KMT2E: variants seen among roughly 807,000 people sequenced by gnomAD.
KMT2E encodes the protein lysine methyltransferase 2E (inactive).
A neutral mutation model predicts 184.6 loss-of-function variants in KMT2E; 30 were observed. The observed-to-expected ratio is 0.16, with a 90% confidence interval of 0.12 to 0.22. KMT2E has a LOEUF of 0.22. KMT2E is among the 10% of genes least tolerant of loss of function. KMT2E has a pLI of 1.00. For synonymous variants in KMT2E, 815 were observed against 776.5 expected (o/e 1.05, Z -0.82); for missense variants, 2,023 against 2,237.4 (o/e 0.90, Z 1.93).
At chr7:105,105,199 A>T (rs1562930136) in intron 17 of KMT2E, 1 of 353,918 alleles carries the variant, frequency 2.8e-6, no homozygotes, top group Non-Finnish European at 5.0e-6. Context: ...ATGTAATATA[A>T]ATATTTAAAA....
chr7:105,110,207 G>A (rs1224763724), intron 23 of KMT2E, 73 bp from the exon 24 acceptor site: 3 of 1,182,054 alleles, frequency 2.5e-6, no homozygotes, highest in African/African-American at 3.0e-5. Context: ...GACAGTACAT[G>A]TTGACTATGA....
chr7:105,031,553 A>G (rs1202593277), intron 1 of KMT2E, among the ~76,000 whole-genome samples: 1 of 151,504 alleles, frequency 6.6e-6, no homozygotes, highest in Non-Finnish European at 1.5e-5. Flanking sequence ...GGAGTTTGAA[A>G]CCAGCCTGGC....
intron 3 of KMT2E, among the ~76,000 whole-genome samples, chr7:105,051,917 T>C (rs905743006): frequency 2.0e-5 from 3 of 152,204 alleles, no homozygotes; most frequent in African/African-American, 7.2e-5. Flanking sequence ...AGTACACTTT[T>C]ATCCATTTCT....
intron 6 of KMT2E, among the ~76,000 whole-genome samples, chr7:105,068,643 T>G (rs892019745): frequency 1.6e-4 from 23 of 146,946 alleles, no homozygotes; most frequent in South Asian, 6.5e-4. Flanking sequence ...TTTTTTGTTT[T>G]TTTTTTTTTT....
At chr7:105,095,964 GA>G (rs1798393103) in intron 15 of KMT2E, among the ~76,000 whole-genome samples, 1 of 151,986 alleles carries the variant, frequency 6.6e-6, no homozygotes, top group African/African-American at 2.4e-5. Context: ...AATACTAAAA[GA>G]GACTTGTTGC....
chr7:105,032,607 CGTT>C (rs1392967681), intron 1 of KMT2E, among the ~76,000 whole-genome samples: 1 of 152,106 alleles, frequency 6.6e-6, no homozygotes, highest in Non-Finnish European at 1.5e-5. Context: ...GCTCAAGTGA[CGTT>C]GTCACCTCAG....
Position 105,074,751 on chromosome 7 carries a change from A to G in KMT2E, c.665A>G (p.Lys222Arg). 1 of 1,611,112 alleles carries G rather than the reference A, an allele frequency of 6.2e-7. No individual in the cohort carries two copies. Among genetic ancestry groups the G allele is most frequent in the Non-Finnish European group, 8.5e-7 (1 of 1,178,930 alleles). Residue 222 changes from lysine to arginine, a missense_variant, in exon 8 of 27, where the codon AAA becomes AGA. Transcript: ENST00000311117. ...SITLTASRVS[K>R]VNDKRRKKSG... The stretch of plus-strand genomic sequence containing the variant: ...ACTTTAACTGCTTCAAGAGTTTCCA[A>G]AGTTAATGATAAAAGAAGGAAAAAA...
chr7:105,113,588 A>T lies in KMT2E; in HGVS notation c.*255A>T. The T allele has an allele frequency of 9.4e-6, 3 of 318,566 alleles. No individual in the cohort carries two copies. Among genetic ancestry groups the T allele is most frequent in the Non-Finnish European group, 1.2e-5 (2 of 173,576 alleles). The allele number at this position is 318,566 out of a possible 1,614,324, so 19.7% of individuals were successfully genotyped here. A position where few individuals can be genotyped will look rare whatever the true frequency, so the allele number is the denominator to read the frequency against. The stretch of plus-strand genomic sequence containing the variant: ...TTCTGGCAGATCTGATGCTGATTTG[A>T]TGCTGTATGATCTTTTTTTTTTTTT... On this transcript the variant is annotated 3_prime_UTR_variant, in exon 27 of 27. Coordinates refer to ENST00000311117, the MANE Select transcript of KMT2E (RefSeq NM_182931.3).
chr7:105,086,910 A>G (rs1191587166), intron 13 of KMT2E, among the ~76,000 whole-genome samples: 6 of 146,400 alleles, frequency 4.1e-5, no homozygotes, highest in Admixed American at 3.5e-4. Context: ...ATTATATATT[A>G]TATAGCATAT....
chr7:105,076,973 C>T lies in KMT2E; in HGVS notation c.779C>T (p.Pro260Leu). ...AGTTTATGATTTTAGGGTTCAGCTC[C>T]AGAGATTGATCCTTCATCTGATGGT... ...RKSSRVKGSAPEIDPSSDGSN... is the reference protein window; with the variant it reads ...RKSSRVKGSALEIDPSSDGSN... The change falls in exon 10 of 27, where the codon CCA (proline) becomes CTA (leucine). Residue 260 changes from proline (P) to leucine (L), a missense_variant. Physicochemically the swap from Pro to Leu is moderately conservative, Grantham distance 98 (BLOSUM62 -3). Around this residue, in one of 8 missense-constraint regions of KMT2E, gnomAD observed 191 missense variants for 209.0 expected, o/e 0.91. Coordinates refer to ENST00000311117, the MANE Select transcript of KMT2E (RefSeq NM_182931.3). 6.2e-7 allele frequency: 1 copy of T among 1,609,750 alleles called. No individual in the cohort carries two copies. The highest frequency in any genetic ancestry group is 1.3e-5 in the African/African-American group (1 of 74,230).
chr7:105,098,869 G>T (rs1045574584), intron 15 of KMT2E, among the ~76,000 whole-genome samples: 12 of 152,144 alleles, frequency 7.9e-5, no homozygotes, highest in African/African-American at 2.7e-4. Flanking sequence ...ATCGAGTTTA[G>T]ATTATATAGC....
intron 5 of KMT2E, 104 bp downstream of exon 5, chr7:105,063,684 A>G: frequency 4.0e-6 from 3 of 741,710 alleles, no homozygotes; most frequent in Non-Finnish European, 6.3e-6. Flanking sequence ...TAATGGATAC[A>G]TATTTTAAGT....
chr7:105,112,708 C>G lies in KMT2E; in HGVS notation c.4952C>G (p.Ser1651Cys), dbSNP rs540886477. 17 of 1,613,994 alleles carry G rather than the reference C, an allele frequency of 1.1e-5. No individual in the cohort carries two copies. In the South Asian group the frequency reaches 1.9e-4, roughly 18 times the overall value. The change falls in exon 27 of 27, where the codon TCT becomes TGT. Residue 1651 changes from serine (S) to cysteine (C), a missense_variant. This residue lies in a region of KMT2E where 1,108 missense variants were observed against 1,050.9 expected (regional missense o/e 1.05). Transcript: ENST00000311117. ...VQQPNSHQQH[S>C]VAHVVGPVHA... is the part of the protein sequence containing the mutation. ...CAGCCGAATTCCCATCAGCAACACT[C>G]TGTAGCACATGTAGTAGGGCCTGTT...
chr7:105,022,476 A>G (rs886111638), intron 1 of KMT2E, among the ~76,000 whole-genome samples: 2 of 151,996 alleles, frequency 1.3e-5, no homozygotes, highest in Non-Finnish European at 2.9e-5. Flanking sequence ...GTCTGGAGGC[A>G]TATGATGTTT....
intron 23 of KMT2E, 119 bp from the exon 24 acceptor site, chr7:105,110,161 C>G (rs771293331): frequency 1.2e-6 from 1 of 808,552 alleles, no homozygotes; most frequent in Non-Finnish European, 2.1e-6. Context: ...AGGTTAACAC[C>G]AAAGTATTTT....
chr7:105,089,480 T>C (rs1278178499), intron 13 of KMT2E: 1 of 198,824 alleles, frequency 5.0e-6, no homozygotes, highest in Non-Finnish European at 1.0e-5. Flanking sequence ...CCACTGTGCC[T>C]GGCCATCCTA....
chr7:105,101,854 A>T, intron 16 of KMT2E, 32 bp from the exon 17 acceptor site: 1 of 1,527,006 alleles, frequency 6.5e-7, no homozygotes, highest in Non-Finnish European at 8.9e-7. Context: ...TATGTAGTAT[A>T]AAAACTTCCA....
intron 6 of KMT2E, among the ~76,000 whole-genome samples, chr7:105,072,040 G>A (rs1023009261): frequency 6.6e-6 from 1 of 151,894 alleles, no homozygotes; most frequent in Non-Finnish European, 1.5e-5. Context: ...GGCCGGGCGC[G>A]GTGGCTCACA....
intron 7 of KMT2E, 120 bp downstream of exon 7, chr7:105,073,797 G>A: frequency 1.6e-6 from 1 of 642,390 alleles, no homozygotes; most frequent in Non-Finnish European, 2.8e-6. Flanking sequence ...GTTGATGAAT[G>A]TTGATTGTAC....
Sources: gnomAD v4.1 joint callset for allele counts (sites outside exome capture counted in the v4.1 genomes callset) on GRCh38, gnomAD v4.1.1 for gene constraint, gnomAD v4.1.1 regional missense constraint, MANE v1.5 for transcripts, NCBI Gene and HGNC (gene_info 2026-07-23, HGNC 2026-07-21) for gene names.